The following FAM107A variants were observed in gnomAD, a reference collection of about 807,000 sequenced individuals.
FAM107A encodes the protein family with sequence similarity 107 member A, also known as actin-associated protein FAM107A.
In FAM107A, 19 loss-of-function variants were observed where a neutral mutation model predicts 13.7. The ratio of observed to expected loss-of-function variants is 1.38; its 90% CI spans 0.97 to 2.03. The LOEUF is 2.03. Ranked by LOEUF, FAM107A falls within the 30% of genes most tolerant of loss-of-function variation. FAM107A has a pLI of 0.00. For missense variants in FAM107A, 203 were observed against 184.4 expected (o/e 1.10, Z -0.58); for synonymous variants, 82 against 74.5 (o/e 1.10, Z -0.52).
chr3:58,580,919 C>T (rs997696769), upstream of FAM107A, among the ~76,000 whole-genome samples: 1 of 152,190 alleles, frequency 6.6e-6, no homozygotes, highest in African/African-American at 2.4e-5. Flanking sequence ...GAAAGAGCAA[C>T]ATTTCCCAAA....
intron 1 of FAM107A, among the ~76,000 whole-genome samples, chr3:58,598,696 C>A (rs962981884): frequency 6.6e-6 from 1 of 152,212 alleles, no homozygotes; most frequent in Non-Finnish European, 1.5e-5. Context: ...CCCAGCCATG[C>A]CCCAATCTCA....
chr3:58,627,379 T>C (rs1193043028), intron 1 of FAM107A: 2 of 223,070 alleles, frequency 9.0e-6, no homozygotes, highest in Non-Finnish European at 1.8e-5. Context: ...GCGGGTGACC[T>C]CTGCCTGGCC....
upstream of FAM107A, among the ~76,000 whole-genome samples, chr3:58,581,742 C>T (rs17059421): frequency 1.1e-4 from 17 of 152,150 alleles, no homozygotes; most frequent in African/African-American, 3.4e-4. Context: ...AAGTTTGAAC[C>T]GGGAAGAATT....
Position 58,594,395 on chromosome 3 carries a change from C to T in FAM107A, c.-69-5126G>A, listed in dbSNP as rs184335560. Among the ~76,000 whole-genome samples, 143 of 152,264 alleles carry T rather than the reference C, an allele frequency of 9.4e-4. 2 individuals are homozygous for T. The highest frequency in any genetic ancestry group is 5.6e-3 in the South Asian group (27 of 4,820). On this transcript the variant is annotated intron_variant, in intron 1 of 3. Transcript: ENST00000465970. ...CACCATGAAAATCAAACCTCCCCCTCTACCCAGTTGCCCCATCAATCCCCA... is the reference window on the plus strand; with the variant it reads ...CACCATGAAAATCAAACCTCCCCCTTTACCCAGTTGCCCCATCAATCCCCA...
intron 1 of FAM107A, among the ~76,000 whole-genome samples, chr3:58,592,907 C>T (rs988022722): frequency 1.3e-5 from 2 of 152,200 alleles, no homozygotes; most frequent in African/African-American, 4.8e-5. Flanking sequence ...TCTTCCAGTC[C>T]TCCAGTAGGC....
intron 1 of FAM107A, among the ~76,000 whole-genome samples, chr3:58,593,802 T>G (rs2065675061): frequency 6.6e-6 from 1 of 152,090 alleles, no homozygotes; most frequent in South Asian, 2.1e-4. Flanking sequence ...CCTCTCCCTC[T>G]CCCTGCACCT....
chr3:58,570,580 C>A (rs2063671334), intron 1 of FAM107A, among the ~76,000 whole-genome samples: 1 of 101,570 alleles, frequency 9.8e-6, no homozygotes, highest in African/African-American at 3.5e-5. Context: ...AAAGCAAATA[C>A]AGCAGAGAGA....
intron 1 of FAM107A, among the ~76,000 whole-genome samples, chr3:58,595,232 T>C (rs1559482508): frequency 1.3e-5 from 2 of 152,054 alleles, no homozygotes; most frequent in Non-Finnish European, 2.9e-5. Context: ...CACCACCATT[T>C]TGTTTTGTTT....
upstream of FAM107A, among the ~76,000 whole-genome samples, chr3:58,591,986 G>T (rs2065658209): frequency 6.6e-6 from 1 of 152,200 alleles, no homozygotes; most frequent in African/African-American, 2.4e-5. This position sits in a 1 kb window ranked among gnomAD's most constrained non-coding sequence, Gnocchi z 4.3. Flanking sequence ...AGAACCAGGG[G>T]AGGCCTCAGC....
chr3:58,582,917 G>C (rs1049689643), intron 1 of FAM107A, among the ~76,000 whole-genome samples: 1 of 152,152 alleles, frequency 6.6e-6, no homozygotes, highest in Non-Finnish European at 1.5e-5. Flanking sequence ...TCCCACCTCA[G>C]CCTCCCGAGT....
At position 58,565,075 on chromosome 3, in the gene FAM107A, C is replaced by G. The variant is rs1279466986; in HGVS notation, c.*1513G>C. ...TGGGAAAGTGAAAGGAGATGCTATT[C>G]CAGCACTGCTCTGTCACCTTAGATG... On this transcript the variant is annotated 3_prime_UTR_variant, in exon 4 of 4. Coordinates refer to ENST00000360997, the MANE Select transcript of FAM107A (RefSeq NM_001076778.3). The G allele has an allele frequency of 2.0e-5, 3 of 152,212 alleles. No homozygotes were observed. The highest frequency in any genetic ancestry group is 7.2e-5 in the African/African-American group (3 of 41,436). 9.4% of individuals were successfully genotyped at this position (152,212 alleles called of 1,614,324 possible). A position where few individuals can be genotyped will look rare whatever the true frequency, so the allele number is the denominator to read the frequency against.
chr3:58,579,418 C>T (rs1021484327), upstream of FAM107A, among the ~76,000 whole-genome samples: 2 of 152,056 alleles, frequency 1.3e-5, no homozygotes, highest in African/African-American at 2.4e-5. Flanking sequence ...ATGTGTGGTC[C>T]CTTTTTTTCT....
At chr3:58,627,391 A>G in intron 1 of FAM107A, 1 of 208,612 alleles carries the variant, frequency 4.8e-6, no homozygotes, top group Non-Finnish European at 9.6e-6. Flanking sequence ...TGCCTGGCCC[A>G]GCGGGCAGGA....
chr3:58,604,509 G>C lies in FAM107A; in HGVS notation c.-69-15240C>G, dbSNP rs1239150845. On this transcript the variant is annotated intron_variant, in intron 1 of 3. Transcript: ENST00000465970. This position sits in a 1 kb window ranked among gnomAD's most constrained non-coding sequence, Gnocchi z 4.1. ...ACTGAGGGACTCGCACAGTGAGTTA[G>C]TGGCAGGGTCATAACTTGTTTCTCT... Among the ~76,000 whole-genome samples, 2 of 152,182 alleles carry C rather than the reference G, an allele frequency of 1.3e-5. No individual in the cohort carries two copies. The highest frequency in any genetic ancestry group is 2.9e-5 in the Non-Finnish European group (2 of 68,040).
At chr3:58,579,486 A>G (rs2065503283), upstream of FAM107A, among the ~76,000 whole-genome samples, 1 of 152,038 alleles carries the variant, frequency 6.6e-6, no homozygotes, top group African/African-American at 2.4e-5. Context: ...TCAGCCTCCC[A>G]CCCTGCTCTG....
At chr3:58,591,137 C>G (rs924161929), upstream of FAM107A, among the ~76,000 whole-genome samples, 1 of 152,028 alleles carries the variant, frequency 6.6e-6, no homozygotes, top group South Asian at 2.1e-4. This position sits in a 1 kb window ranked among gnomAD's most constrained non-coding sequence, Gnocchi z 4.3. Flanking sequence ...GGGAGATAGA[C>G]AGTAAGCATG....
chr3:58,605,551 G>A (rs1039080831), intron 1 of FAM107A, among the ~76,000 whole-genome samples: 1 of 152,228 alleles, frequency 6.6e-6, no homozygotes, highest in Admixed American at 6.5e-5. Flanking sequence ...TCCAGGTGAT[G>A]AGGGGCTCAC....
chr3:58,607,810 A>G (rs1181791372), intron 1 of FAM107A: 2 of 152,224 alleles, frequency 1.3e-5, no homozygotes, highest in African/African-American at 4.8e-5. Flanking sequence ...TCTGTTCTAC[A>G]ACTGCAAGGA....
At chr3:58,571,086 T>A (rs1191549695) in intron 1 of FAM107A, among the ~76,000 whole-genome samples, 1 of 152,168 alleles carries the variant, frequency 6.6e-6, no homozygotes, top group Non-Finnish European at 1.5e-5. Flanking sequence ...CAGGGATGTG[T>A]GAAAACCTGA....
Sources: allele counts gnomAD v4.1 joint callset (sites outside exome capture counted in the v4.1 genomes callset), GRCh38; gene constraint gnomAD v4.1.1; non-coding constraint Gnocchi (gnomAD v3.1); transcripts MANE v1.5; gene names NCBI Gene and HGNC (gene_info 2026-07-23, HGNC 2026-07-21).